ATP2B1: variants seen among roughly 807,000 people sequenced by gnomAD.
ATP2B1 encodes ATPase plasma membrane Ca2+ transporting 1.
In ATP2B1, 14 loss-of-function variants were observed where a neutral mutation model predicts 124.2. That is an observed-to-expected ratio of 0.11 (90% CI 0.07 to 0.18). The LOEUF is 0.18. Among genes scored for constraint, ATP2B1 ranks in the 10% least tolerant of loss-of-function variants. The pLI, the probability that ATP2B1 is intolerant of heterozygous loss-of-function variation, is 1.00. For missense variants in ATP2B1, 763 were observed against 1,466.1 expected, an observed-to-expected ratio of 0.52 and a Z score of 7.83; for synonymous variants, 449 against 492.4, an observed-to-expected ratio of 0.91 and a Z score of 1.17.
intron 1 of ATP2B1, among the ~76,000 whole-genome samples, chr12:89,689,572 AG>A (rs1245073407): frequency 2.2e-4 from 33 of 152,090 alleles, no homozygotes; most frequent in Admixed American, 2.2e-3. Context: ...TGCCTCTGAG[AG>A]GGAATTTAAA....
At chr12:89,681,799 T>C (rs540881005) in intron 1 of ATP2B1, among the ~76,000 whole-genome samples, 1 of 152,262 alleles carries the variant, frequency 6.6e-6, no homozygotes, top group South Asian at 2.1e-4. Context: ...TCCACCTCAG[T>C]TCTAAAGTCA....
At chr12:89,709,020 C>G (rs1458234055), upstream of ATP2B1, 1 of 151,310 alleles carries the variant, frequency 6.6e-6, no homozygotes, top group South Asian at 2.1e-4. Context: ...CTCACGCCGC[C>G]GTCCGCAACA....
At position 89,674,682 on chromosome 12, in the gene ATP2B1, T is replaced by C. The variant is rs533246546; in HGVS notation, c.-221-18575A>G. 4.3e-4 allele frequency among the ~76,000 whole-genome samples: 66 copies of C among 152,278 alleles called. 3 individuals are homozygous for C. In the South Asian group the frequency reaches 0.011, roughly 25 times the overall value. On this transcript the variant is annotated intron_variant, in intron 1 of 20. Coordinates refer to ENST00000428670, the MANE Select transcript of ATP2B1 (RefSeq NM_001366521.1). The stretch of plus-strand genomic sequence containing the variant: ...TATTAATCAGCTTTCCATTTTACAA[T>C]AGAGGAAACTGAAGTGAGGCAGGTT...
In ATP2B1 at chr12:89,589,985, AAACT is replaced by A. The variant is rs1370087593; in HGVS notation, c.*995_*998del. 7 of 152,546 alleles carry A rather than the reference AAACT, an allele frequency of 4.6e-5. No individual in the cohort carries two copies. The highest frequency in any genetic ancestry group is 1.7e-4 in the African/African-American group (7 of 41,438). The allele number at this position is 152,546 out of a possible 1,614,324, so 9.4% of individuals were successfully genotyped here. A position where few individuals can be genotyped will look rare whatever the true frequency, so the allele number is the denominator to read the frequency against. ...ACTCACAGTTCACCAAGACATCACT[AAACT>A]AACATGTTTAGACAAAAACAAAAAA... is the stretch of plus-strand genomic sequence containing the variant. On this transcript the variant is annotated 3_prime_UTR_variant, in exon 21 of 21. Coordinates refer to ENST00000428670, the MANE Select transcript of ATP2B1 (RefSeq NM_001366521.1).
intron 1 of ATP2B1, among the ~76,000 whole-genome samples, chr12:89,702,933 CA>C (rs565099969): frequency 4.0e-5 from 6 of 149,386 alleles, no homozygotes; most frequent in Non-Finnish European, 7.4e-5. Context: ...AAAAATATGG[CA>C]AAAAAAAATG....
chr12:89,644,534 G>GA (rs747390995), intron 2 of ATP2B1, among the ~76,000 whole-genome samples: 1,735 of 127,372 alleles, frequency 0.014, 9 homozygotes, highest in Non-Finnish European at 0.02. Flanking sequence ...TTTCTCAGTT[G>GA]AAAAAAAAAA....
At chr12:89,652,056 A>C (rs2136324097) in intron 2 of ATP2B1, among the ~76,000 whole-genome samples, 1 of 152,134 alleles carries the variant, frequency 6.6e-6, no homozygotes, top group South Asian at 2.1e-4. Flanking sequence ...AATATTTCTG[A>C]TTTCCCTTCT....
intron 1 of ATP2B1, among the ~76,000 whole-genome samples, chr12:89,660,550 G>C (rs1014623526): frequency 3.9e-5 from 6 of 152,196 alleles, no homozygotes; most frequent in African/African-American, 1.4e-4. Flanking sequence ...TCAGGCAGTA[G>C]GGCCAGGAAC....
At position 89,641,445 on chromosome 12, in the gene ATP2B1, G is replaced by A. The variant is rs964331839; in HGVS notation, c.406+713C>T. ...TATAAAATCAGATATCTTGGGGATG[G>A]GACCCAAGTCCAAACATCAATTTAT... On this transcript the variant is annotated intron_variant, in intron 3 of 20. Coordinates refer to ENST00000428670, the MANE Select transcript of ATP2B1 (RefSeq NM_001366521.1). 7.2e-5 allele frequency among the ~76,000 whole-genome samples: 11 copies of A among 152,138 alleles called. No homozygotes were observed. In the East Asian group the frequency reaches 2.1e-3, roughly 29 times the overall value.
At chr12:89,612,025 T>C (rs867313610) in intron 12 of ATP2B1, 42 of 152,260 alleles carry the variant, frequency 2.8e-4, no homozygotes, top group African/African-American at 1.0e-3. Flanking sequence ...CCTACATCCT[T>C]AGAAGCCAGT....
chr12:89,613,445 A>G (rs1374164564), intron 12 of ATP2B1, among the ~76,000 whole-genome samples: 9 of 152,180 alleles, frequency 5.9e-5, no homozygotes, highest in Admixed American at 3.3e-4. Context: ...CATTTACTCA[A>G]ACTAATATTT....
At chr12:89,650,696 G>C (rs990918309) in intron 2 of ATP2B1, among the ~76,000 whole-genome samples, 16 of 152,114 alleles carry the variant, frequency 1.1e-4, no homozygotes, top group Admixed American at 7.2e-4. Flanking sequence ...TTATAAAAAT[G>C]AATTCCTTTT....
intron 12 of ATP2B1, among the ~76,000 whole-genome samples, chr12:89,614,992 C>A (rs1410385912): frequency 6.6e-6 from 1 of 152,170 alleles, no homozygotes; most frequent in Non-Finnish European, 1.5e-5. Context: ...CAACATAAAT[C>A]ATGTCACTTC....
intron 5 of ATP2B1, among the ~76,000 whole-genome samples, chr12:89,631,110 T>C (rs965253792): frequency 4.6e-5 from 7 of 152,148 alleles, no homozygotes; most frequent in African/African-American, 1.7e-4. Context: ...ATAAAACTTA[T>C]TTCTTGTGCT....
At chr12:89,706,541 T>C (rs1892476659) in intron 1 of ATP2B1, among the ~76,000 whole-genome samples, 1 of 152,076 alleles carries the variant, frequency 6.6e-6, no homozygotes. Flanking sequence ...TCAAAACTAG[T>C]TTCTCATCTC....
chr12:89,617,974 A>G (rs985348600), intron 11 of ATP2B1, among the ~76,000 whole-genome samples: 2 of 152,052 alleles, frequency 1.3e-5, no homozygotes, highest in African/African-American at 2.4e-5. Flanking sequence ...AGCCTCCTCA[A>G]TGTGTCCACT....
intron 1 of ATP2B1, among the ~76,000 whole-genome samples, chr12:89,679,117 C>T (rs1889038543): frequency 6.6e-6 from 1 of 151,924 alleles, no homozygotes. Flanking sequence ...AACTTTTAAG[C>T]CAAGCTTTTG....
intron 1 of ATP2B1, among the ~76,000 whole-genome samples, chr12:89,677,013 A>ACAC (rs909097265): frequency 4.8e-4 from 70 of 146,616 alleles, no homozygotes; most frequent in East Asian, 8.1e-4. Flanking sequence ...TCAAAAATAA[A>ACAC]CACCACCACC....
At chr12:89,690,738 G>T (rs1030072826) in intron 1 of ATP2B1, among the ~76,000 whole-genome samples, 5 of 151,978 alleles carry the variant, frequency 3.3e-5, no homozygotes, top group African/African-American at 9.7e-5. Context: ...ATTTAATCAA[G>T]AATTACTATT....
Sources: allele counts gnomAD v4.1 joint callset (sites outside exome capture counted in the v4.1 genomes callset), GRCh38; gene constraint gnomAD v4.1.1; transcripts MANE v1.5; gene names NCBI Gene and HGNC (gene_info 2026-07-23, HGNC 2026-07-21).